BMP5: variants seen among roughly 807,000 people sequenced by gnomAD.
BMP5 encodes the protein bone morphogenetic protein 5.
Under a neutral mutation model 46.6 loss-of-function variants are expected in BMP5, and 23 were observed. That is an observed-to-expected ratio of 0.49 (90% CI 0.35 to 0.70). The LOEUF (loss-of-function observed/expected upper bound fraction) is 0.70. Ranked by LOEUF, BMP5 falls within the 30% of genes least tolerant of loss-of-function variation. BMP5 has a pLI of 0.00. For synonymous variants in BMP5, 204 were observed against 191.9 expected, an observed-to-expected ratio of 1.06 and a Z score of -0.52; for missense variants, 545 against 565.6, an observed-to-expected ratio of 0.96 and a Z score of 0.37.
At position 55,839,368 on chromosome 6, in the gene BMP5, G is replaced by C. The variant is rs1776896555; in HGVS notation, c.491-19521C>G. On this transcript the variant is annotated intron_variant, in intron 1 of 6. Transcript: ENST00000370830. ...GGCAGGATCTCACTCTGTCACCCAG[G>C]CTGGAATACAGTGGTACAATCATAG... 5.3e-5 allele frequency among the ~76,000 whole-genome samples: 8 copies of C among 151,782 alleles called. 1 individual carries two copies. The South Asian group carries it at 1.7e-3, about 32-fold the overall frequency.
At chr6:55,853,062 G>A (rs915077271) in intron 1 of BMP5, among the ~76,000 whole-genome samples, 2 of 151,404 alleles carry the variant, frequency 1.3e-5, no homozygotes, top group East Asian at 1.9e-4. Context: ...ACTGGGAAGC[G>A]GAGATTGCAG....
rs532040011 is a variant in BMP5, at chr6:55,826,402, TAAAC to T, written c.491-6559_491-6556del. Among the ~76,000 whole-genome samples, 13 of 151,942 alleles carry T rather than the reference TAAAC, an allele frequency of 8.6e-5. No homozygotes were observed. In the South Asian group the frequency reaches 2.3e-3, roughly 27 times the overall value. On this transcript the variant is annotated intron_variant, in intron 1 of 6. Transcript: ENST00000370830. ...AATAATTGTAATATTCTACTATAAC[TAAAC>T]AAATTGATTTTCAAAATCAATTTAA...
intron 2 of BMP5, among the ~76,000 whole-genome samples, chr6:55,816,345 G>A (rs144846647): frequency 2.0e-5 from 3 of 151,982 alleles, no homozygotes; most frequent in African/African-American, 7.2e-5. Flanking sequence ...AACAGACATA[G>A]AAAAAGATAA....
At chr6:55,820,064 A>G (rs943093561) in intron 1 of BMP5, among the ~76,000 whole-genome samples, 2 of 152,220 alleles carry the variant, frequency 1.3e-5, no homozygotes, top group African/African-American at 4.8e-5. Flanking sequence ...CTGCGGTTTT[A>G]TACAAATTCC....
intron 3 of BMP5, among the ~76,000 whole-genome samples, chr6:55,792,858 T>C (rs1775606087): frequency 6.6e-6 from 1 of 152,128 alleles, no homozygotes; most frequent in Non-Finnish European, 1.5e-5. Context: ...GGCCTAATGT[T>C]TTTCTTGCCT....
chr6:55,873,623 A>AT (rs567012892), intron 1 of BMP5, among the ~76,000 whole-genome samples: 168 of 151,968 alleles, frequency 1.1e-3, no homozygotes, highest in African/African-American at 4.0e-3. Context: ...TAATTTTAAA[A>AT]TTTTCTCATT....
At chr6:55,825,474 T>G (rs1345514475) in intron 1 of BMP5, among the ~76,000 whole-genome samples, 1 of 151,910 alleles carries the variant, frequency 6.6e-6, no homozygotes, top group East Asian at 1.9e-4. Flanking sequence ...TGCCTTTATA[T>G]AAGCACCAAA....
intron 1 of BMP5, among the ~76,000 whole-genome samples, chr6:55,865,596 T>C (rs1449683951): frequency 1.3e-5 from 2 of 152,240 alleles, no homozygotes; most frequent in East Asian, 3.9e-4. Flanking sequence ...AATTCAAGGT[T>C]TTTCTTTTAG....
rs150574947 is a variant in BMP5, at chr6:55,773,693, T to G, written c.1027+356A>C. On this transcript the variant is annotated intron_variant, in intron 4 of 6. Transcript: ENST00000370830. Reference sequence around the variant, plus strand: ...AGTACGAAAGAAAGGATTTTACATTTAATTTACCTGGTTGACCATCCATTT... The same window carrying G: ...AGTACGAAAGAAAGGATTTTACATTGAATTTACCTGGTTGACCATCCATTT... Among the ~76,000 whole-genome samples, 502 of 152,132 alleles carry G rather than the reference T, an allele frequency of 3.3e-3. 28 individuals carry two copies. In the East Asian group the frequency reaches 0.09, roughly 27 times the overall value.
intron 2 of BMP5, among the ~76,000 whole-genome samples, chr6:55,811,315 A>C (rs575764780): frequency 6.6e-6 from 1 of 152,364 alleles, no homozygotes; most frequent in Non-Finnish European, 1.5e-5. Flanking sequence ...AGGCTAGCTT[A>C]AAATGTTTTC....
intron 2 of BMP5, 59 bp downstream of exon 2, chr6:55,819,595 GC>G (rs1776359372): frequency 2.9e-6 from 4 of 1,376,650 alleles, no homozygotes; most frequent in South Asian, 1.2e-5. Context: ...GTTATCAATG[GC>G]TTTTACTAAA....
intron 2 of BMP5, among the ~76,000 whole-genome samples, chr6:55,810,005 C>T (rs1221904858): frequency 6.6e-6 from 1 of 152,102 alleles, no homozygotes; most frequent in Non-Finnish European, 1.5e-5. Context: ...GCATACATCT[C>T]TCTCTGGGTA....
chr6:55,833,562 C>T (rs1461594339), intron 1 of BMP5, among the ~76,000 whole-genome samples: 3 of 152,046 alleles, frequency 2.0e-5, no homozygotes, highest in Non-Finnish European at 4.4e-5. Flanking sequence ...TTACACAGAA[C>T]AGAGCTGACA....
intron 1 of BMP5, among the ~76,000 whole-genome samples, chr6:55,822,788 C>T (rs1289122235): frequency 6.6e-6 from 1 of 152,064 alleles, no homozygotes; most frequent in Non-Finnish European, 1.5e-5. Flanking sequence ...TATAAAATTT[C>T]AGTTTTCTAA....
rs375323044 is a variant in BMP5, at chr6:55,813,656, A to G, written c.683+5999T>C. The stretch of plus-strand genomic sequence containing the variant: ...CAAAAAATTAGCCAGGCGTGGTGGC[A>G]GGCGCCTGTAGTCCCAGCTACTAGG... On this transcript the variant is annotated intron_variant, in intron 2 of 6. Coordinates refer to ENST00000370830, the MANE Select transcript of BMP5 (RefSeq NM_021073.4). 5.8e-4 allele frequency among the ~76,000 whole-genome samples: 88 copies of G among 151,984 alleles called. No individual in the cohort carries two copies. The South Asian group carries it at 6.0e-3, about 10-fold the overall frequency.
chr6:55,836,635 C>T (rs903443327), intron 1 of BMP5, among the ~76,000 whole-genome samples: 2 of 145,856 alleles, frequency 1.4e-5, no homozygotes, highest in South Asian at 2.1e-4. Context: ...CATACATACA[C>T]ACACACACAC....
At chr6:55,782,510 T>C (rs1463086913) in intron 3 of BMP5, among the ~76,000 whole-genome samples, 1 of 152,188 alleles carries the variant, frequency 6.6e-6, no homozygotes, top group Admixed American at 6.6e-5. Context: ...AAAAGCATCC[T>C]GAACCATTTG....
intron 2 of BMP5, among the ~76,000 whole-genome samples, chr6:55,817,749 A>G (rs1306360359): frequency 2.0e-5 from 3 of 152,040 alleles, no homozygotes; most frequent in Admixed American, 6.6e-5. Context: ...TTAAAGTATA[A>G]TAATAATAAA....
At position 55,772,297 on chromosome 6, in the gene BMP5, A is replaced by G. The variant is rs368035762; in HGVS notation, c.1027+1752T>C. 2.2e-4 allele frequency among the ~76,000 whole-genome samples: 33 copies of G among 152,050 alleles called. No individual in the cohort carries two copies. In the East Asian group the frequency reaches 5.0e-3, roughly 23 times the overall value. ...TGTTTCTTGTGGTTAGGAAGAGAAG[A>G]TAAATAGAGTTAACCAATAGGGAAA... On this transcript the variant is annotated intron_variant, in intron 4 of 6. Transcript: ENST00000370830.
Sources: gnomAD v4.1 joint callset for allele counts (sites outside exome capture counted in the v4.1 genomes callset) on GRCh38, gnomAD v4.1.1 for gene constraint, MANE v1.5 for transcripts, NCBI Gene and HGNC (gene_info 2026-07-23, HGNC 2026-07-21) for gene names.